Variants in SLC39A8 observed in about 807,000 individuals in gnomAD.
SLC39A8 encodes the protein solute carrier family 39 member 8, also known as metal cation symporter ZIP8.
In SLC39A8, 15 loss-of-function variants were observed where a neutral mutation model predicts 40.4. That is an observed-to-expected ratio of 0.37 (90% CI 0.25 to 0.57). The LOEUF is 0.57. SLC39A8 is among the 20% of genes least tolerant of loss of function. The pLI, the probability that SLC39A8 is intolerant of heterozygous loss-of-function variation, is 0.75. For missense variants in SLC39A8, 472 were observed against 558.8 expected, an observed-to-expected ratio of 0.84 and a Z score of 1.57; for synonymous variants, 223 against 221.6, an observed-to-expected ratio of 1.01 and a Z score of -0.06.
At chr4:102,303,631 T>G (rs1223417412) in intron 6 of SLC39A8, among the ~76,000 whole-genome samples, 1 of 151,796 alleles carries the variant, frequency 6.6e-6, no homozygotes, top group Non-Finnish European at 1.5e-5. Flanking sequence ...TTCTTGTTTT[T>G]CCTGTAGCTT....
chr4:102,325,652 G>C (rs1453934317), intron 2 of SLC39A8, among the ~76,000 whole-genome samples: 1 of 152,036 alleles, frequency 6.6e-6, no homozygotes, highest in African/African-American at 2.4e-5. Flanking sequence ...ATCTCTGAGT[G>C]GTAAAATTAT....
intron 2 of SLC39A8, among the ~76,000 whole-genome samples, chr4:102,329,585 T>G (rs1001628024): frequency 1.4e-5 from 2 of 142,418 alleles, no homozygotes; most frequent in African/African-American, 2.7e-5. Context: ...ATAGTGCCAC[T>G]GCAATCCAGC....
At chr4:102,324,962 C>A (rs536747224) in intron 2 of SLC39A8, among the ~76,000 whole-genome samples, 15 of 152,176 alleles carry the variant, frequency 9.9e-5, no homozygotes, top group African/African-American at 3.1e-4. Context: ...ATTCAAAGCA[C>A]GAGTGACTGA....
At chr4:102,258,188 T>C (rs1302414205), downstream of SLC39A8, among the ~76,000 whole-genome samples, 2 of 150,618 alleles carry the variant, frequency 1.3e-5, no homozygotes, top group Admixed American at 6.6e-5. Flanking sequence ...CACTGCAAGC[T>C]CCGCCTCCCT....
intron 6 of SLC39A8, among the ~76,000 whole-genome samples, chr4:102,298,348 G>A (rs1405271642): frequency 6.6e-6 from 1 of 151,952 alleles, no homozygotes; most frequent in African/African-American, 2.4e-5. Flanking sequence ...GACCCAGTGA[G>A]AGAGAAATTC....
chr4:102,313,510 T>C (rs1734533340), intron 3 of SLC39A8, among the ~76,000 whole-genome samples: 1 of 152,098 alleles, frequency 6.6e-6, no homozygotes, highest in African/African-American at 2.4e-5. Flanking sequence ...CTTTCTTTGT[T>C]AAGTCTTCCC....
At chr4:102,320,827 G>T (rs1734934805) in intron 2 of SLC39A8, among the ~76,000 whole-genome samples, 1 of 147,754 alleles carries the variant, frequency 6.8e-6, no homozygotes, top group Non-Finnish European at 1.5e-5. Context: ...TGTTTCTCTG[G>T]AGAACTCTAA....
In SLC39A8 at chr4:102,262,339, G is replaced by C; in HGVS notation, c.*705C>G. On this transcript the variant is annotated 3_prime_UTR_variant, in exon 9 of 9. Coordinates refer to ENST00000356736, the MANE Select transcript of SLC39A8 (RefSeq NM_001135146.2). ...AACCACAACATAAGTCAGAAAAAAA[G>C]CTATCCAGCTTTTCGTGGAATCTGG... The C allele has an allele frequency of 2.0e-6, 2 of 985,540 alleles. No homozygotes were observed. The highest frequency in any genetic ancestry group is 4.7e-5 in the South Asian group (1 of 21,278). The allele number at this position is 985,540 out of a possible 1,614,324, so 61.0% of individuals were successfully genotyped here.
chr4:102,296,410 C>A (rs957924405), intron 6 of SLC39A8, among the ~76,000 whole-genome samples: 7 of 151,990 alleles, frequency 4.6e-5, no homozygotes, highest in East Asian at 3.9e-4. Flanking sequence ...TGAAGTGATG[C>A]GACTTGATGA....
chr4:102,308,678 C>T (rs964789552), intron 3 of SLC39A8, among the ~76,000 whole-genome samples: 1 of 152,082 alleles, frequency 6.6e-6, no homozygotes, highest in African/African-American at 2.4e-5. Flanking sequence ...AGAAAGCTGC[C>T]TCTGCATAGC....
chr4:102,293,376 C>T (rs573583654), intron 6 of SLC39A8, among the ~76,000 whole-genome samples: 1 of 152,044 alleles, frequency 6.6e-6, no homozygotes, highest in East Asian at 1.9e-4. Context: ...CAACATTGTC[C>T]TACGAGCCCT....
chr4:102,275,123 G>C (rs1053527132), intron 6 of SLC39A8, among the ~76,000 whole-genome samples: 1 of 152,050 alleles, frequency 6.6e-6, no homozygotes, highest in African/African-American at 2.4e-5. Flanking sequence ...TATGTAAATG[G>C]GTTAAATGGC....
chr4:102,314,997 T>A (rs1734595408), intron 3 of SLC39A8, among the ~76,000 whole-genome samples: 1 of 152,154 alleles, frequency 6.6e-6, no homozygotes. Flanking sequence ...AATTCCAACA[T>A]AATTTTCAAA....
chr4:102,311,620 G>A (rs1936681090), intron 3 of SLC39A8, among the ~76,000 whole-genome samples: 1 of 151,992 alleles, frequency 6.6e-6, no homozygotes, highest in African/African-American at 2.4e-5. Flanking sequence ...GGCAATTTCA[G>A]ACCATTAAAT....
rs146434182 is a variant in SLC39A8, at chr4:102,294,894, G to C, written c.840+9423C>G. ...CAAATCAGAAAAAGATACCACTTCA[G>C]ACTTATTAAATTGGCAATAATCTTT... On this transcript the variant is annotated intron_variant, in intron 6 of 8. Transcript: ENST00000356736. 7.4e-3 allele frequency among the ~76,000 whole-genome samples: 1,120 copies of C among 151,906 alleles called. 32 individuals are homozygous for C. Among genetic ancestry groups the C allele is most frequent in the Non-Finnish European group, 5.3e-3 (358 of 67,914 alleles).
chr4:102,301,408 A>C (rs1244527210), intron 6 of SLC39A8, among the ~76,000 whole-genome samples: 1 of 152,074 alleles, frequency 6.6e-6, no homozygotes, highest in Non-Finnish European at 1.5e-5. Flanking sequence ...TTTTCTGAAC[A>C]GTCAATCAAA....
intron 2 of SLC39A8, among the ~76,000 whole-genome samples, chr4:102,335,995 A>C (rs1735652857): frequency 6.6e-6 from 1 of 152,214 alleles, no homozygotes; most frequent in Admixed American, 6.5e-5. Flanking sequence ...ATCGAGTAAC[A>C]TACTATTATG....
intron 2 of SLC39A8, among the ~76,000 whole-genome samples, chr4:102,317,222 A>G (rs1453849854): frequency 1.3e-5 from 2 of 152,162 alleles, no homozygotes; most frequent in East Asian, 1.9e-4. Flanking sequence ...ATATTTTGTT[A>G]CAAGGAGATC....
intron 11 of SLC39A8, among the ~76,000 whole-genome samples, chr4:102,256,388 T>C (rs1332631683): frequency 6.6e-6 from 1 of 152,216 alleles, no homozygotes; most frequent in Non-Finnish European, 1.5e-5. Flanking sequence ...TTCTTCCCTA[T>C]CTAGAAATCT....
Sources: gnomAD v4.1 joint callset for allele counts (sites outside exome capture counted in the v4.1 genomes callset) on GRCh38, gnomAD v4.1.1 for gene constraint, MANE v1.5 for transcripts, NCBI Gene and HGNC (gene_info 2026-07-23, HGNC 2026-07-21) for gene names.